The following DYM variants were observed in gnomAD, a reference collection of about 807,000 sequenced individuals.
DYM encodes dymeclin, also known as dyggve-Melchior-Clausen syndrome protein.
In DYM, 78 loss-of-function variants were observed where a neutral mutation model predicts 93.1. The observed-to-expected ratio is 0.84, with a 90% CI of 0.70 to 1.01. The LOEUF (loss-of-function observed/expected upper bound fraction) is 1.01, where lower values mean the gene tolerates loss of function less well. Ranked by LOEUF, DYM falls within the 50% of genes least tolerant of loss-of-function variation. The pLI, the probability that DYM is intolerant of heterozygous loss-of-function variation, is 0.00. For missense variants in DYM, 789 were observed against 845.0 expected (o/e 0.93, Z 0.82); for synonymous variants, 321 against 319.7 (o/e 1.00, Z -0.04).
chr18:49,161,830 G>C (rs2087188588), intron 15 of DYM, among the ~76,000 whole-genome samples: 1 of 152,128 alleles, frequency 6.6e-6, no homozygotes, highest in African/African-American at 2.4e-5. Flanking sequence ...ATCTGGACTG[G>C]GTACTGTTCC....
At chr18:49,323,748 AT>A (rs1568248762) in intron 8 of DYM, among the ~76,000 whole-genome samples, 1 of 152,190 alleles carries the variant, frequency 6.6e-6, no homozygotes, top group Non-Finnish European at 1.5e-5. Flanking sequence ...AGCCTACGGT[AT>A]TTTGTTACAT....
At chr18:49,198,458 G>C (rs1383702286) in intron 14 of DYM, among the ~76,000 whole-genome samples, 3 of 152,100 alleles carry the variant, frequency 2.0e-5, no homozygotes, top group African/African-American at 7.2e-5. Context: ...TACAGAATGG[G>C]AGAAAATTTT....
At chr18:49,259,435 A>C (rs1034881857) in intron 11 of DYM, among the ~76,000 whole-genome samples, 1 of 152,240 alleles carries the variant, frequency 6.6e-6, no homozygotes, top group South Asian at 2.1e-4. Context: ...AATTCGGGGA[A>C]TCCTACTAAA....
chr18:49,459,588 C>G (rs944686418), intron 1 of DYM, among the ~76,000 whole-genome samples: 2 of 152,078 alleles, frequency 1.3e-5, no homozygotes, highest in African/African-American at 4.8e-5. Context: ...GCTCTACACA[C>G]CCCTCTCTCC....
rs2072243694 is a variant in DYM, at chr18:49,411,543, T to C, written c.140+18712A>G. Among the ~76,000 whole-genome samples, 3 of 152,284 alleles carry C rather than the reference T, an allele frequency of 2.0e-5. No homozygotes were observed. The South Asian group carries it at 6.2e-4, about 32-fold the overall frequency. On this transcript the variant is annotated intron_variant, in intron 2 of 17. Transcript: ENST00000675505. The stretch of plus-strand genomic sequence containing the variant: ...TATTTTACTTTTAGGCACACCGTTC[T>C]CATATATGAATCTCAATAATGAAAA...
chr18:49,155,757 A>G (rs2086337700), intron 15 of DYM, among the ~76,000 whole-genome samples: 1 of 152,236 alleles, frequency 6.6e-6, no homozygotes, highest in Admixed American at 6.5e-5. Context: ...GGCTAGTAGT[A>G]TCTCACATGG....
intron 17 of DYM, among the ~76,000 whole-genome samples, chr18:49,088,054 A>G (rs1416789060): frequency 6.6e-6 from 1 of 151,826 alleles, no homozygotes; most frequent in Non-Finnish European, 1.5e-5. Context: ...ATTTTCTCCC[A>G]TTCTGTAGGT....
intron 13 of DYM, among the ~76,000 whole-genome samples, chr18:49,241,273 T>C (rs760095638): frequency 1.3e-5 from 2 of 152,232 alleles, no homozygotes; most frequent in African/African-American, 2.4e-5. Context: ...CCTATCCTTT[T>C]CAGCTTTATC....
chr18:49,154,247 C>T (rs1424609993), intron 15 of DYM, among the ~76,000 whole-genome samples: 1 of 152,008 alleles, frequency 6.6e-6, no homozygotes, highest in Non-Finnish European at 1.5e-5. Context: ...AAAGAATAGG[C>T]ATTAATGTTA....
At position 49,036,720 on chromosome 18, in the gene DYM, T is replaced by TTG. The variant is rs35299705; in HGVS notation, c.*7333_*7334dup. On this transcript the variant is annotated 3_prime_UTR_variant, in exon 18 of 18. Transcript: ENST00000675505. ...GCACACACCACCATGCTCAGCTAAT[T>TTG]TGTGTGTGTGTGTGTGTAGAGACAG... Among the ~76,000 whole-genome samples the TTG allele has an allele frequency of 4.7e-4, 71 of 150,734 alleles. No homozygotes were observed. The highest frequency in any genetic ancestry group is 2.1e-3 in the South Asian group (10 of 4,770).
intron 10 of DYM, among the ~76,000 whole-genome samples, chr18:49,275,275 GAT>G (rs1355638407): frequency 6.6e-6 from 1 of 152,090 alleles, no homozygotes; most frequent in African/African-American, 2.4e-5. Flanking sequence ...ATCAGTTGAT[GAT>G]AGGTATATGG....
intron 1 of DYM, among the ~76,000 whole-genome samples, chr18:49,437,392 A>G (rs780642633): frequency 5.3e-5 from 8 of 152,194 alleles, no homozygotes; most frequent in Non-Finnish European, 1.0e-4. Flanking sequence ...ATTCCATTTT[A>G]TAATTTCTCA....
chr18:49,422,435 CA>C, intron 2 of DYM, among the ~76,000 whole-genome samples: 1 of 152,126 alleles, frequency 6.6e-6, no homozygotes, highest in Non-Finnish European at 1.5e-5. Flanking sequence ...AAATAAAATA[CA>C]AAAACATGCC....
At chr18:49,050,900 G>A (rs574182969) in intron 17 of DYM, among the ~76,000 whole-genome samples, 10 of 152,274 alleles carry the variant, frequency 6.6e-5, no homozygotes, top group Admixed American at 3.3e-4. Flanking sequence ...GACATCTTAA[G>A]GCACGTTTGC....
intron 17 of DYM, among the ~76,000 whole-genome samples, chr18:49,049,286 G>C (rs1041993492): frequency 2.0e-5 from 3 of 152,158 alleles, no homozygotes; most frequent in African/African-American, 7.2e-5. Flanking sequence ...TCCAAAGGCA[G>C]GCAGATAATT....
At chr18:49,339,395 G>A (rs79353319) in intron 6 of DYM, among the ~76,000 whole-genome samples, 1,659 of 152,314 alleles carry the variant, frequency 0.011, 29 homozygotes, top group African/African-American at 0.038. Flanking sequence ...AAAAGTGAGA[G>A]TTATGTCACT....
intron 11 of DYM, among the ~76,000 whole-genome samples, chr18:49,265,732 T>G (rs2145369711): frequency 6.9e-6 from 1 of 145,492 alleles, no homozygotes; most frequent in East Asian, 2.1e-4. Context: ...GAGCCGAGAT[T>G]GCGCCATTGC....
At chr18:49,256,083 CAAAAAA>C (rs11337971) in intron 13 of DYM, among the ~76,000 whole-genome samples, 1 of 85,924 alleles carries the variant, frequency 1.2e-5, no homozygotes, top group Non-Finnish European at 2.2e-5. Flanking sequence ...GACTCCATCT[CAAAAAA>C]AAAAAAAAAA....
chr18:49,452,683 C>T (rs1037291648), intron 1 of DYM, among the ~76,000 whole-genome samples: 3 of 137,806 alleles, frequency 2.2e-5, no homozygotes, highest in Admixed American at 7.0e-5. Flanking sequence ...CCCTGACGAG[C>T]GCCGCTCCCT....
Sources: gnomAD v4.1 joint callset for allele counts (sites outside exome capture counted in the v4.1 genomes callset) on GRCh38, gnomAD v4.1.1 for gene constraint, MANE v1.5 for transcripts, NCBI Gene and HGNC (gene_info 2026-07-23, HGNC 2026-07-21) for gene names.